DNAAF5: variants seen among roughly 807,000 people sequenced by gnomAD.
DNAAF5 encodes the protein dynein axonemal assembly factor 5.
Under a neutral mutation model 75.8 loss-of-function variants are expected in DNAAF5, and 64 were observed. The ratio of observed to expected loss-of-function variants is 0.84; its 90% confidence interval spans 0.69 to 1.04. DNAAF5 has a LOEUF of 1.04. Among genes scored for constraint, DNAAF5 ranks in the 50% least tolerant of loss-of-function variants. The pLI, the probability that DNAAF5 is intolerant of heterozygous loss-of-function variation, is 0.00. For synonymous variants in DNAAF5, 657 were observed against 557.2 expected, an observed-to-expected ratio of 1.18 and a Z score of -2.52; for missense variants, 1,269 against 1,178.5, an observed-to-expected ratio of 1.08 and a Z score of -1.12.
intron 4 of DNAAF5, among the ~76,000 whole-genome samples, chr7:753,791 T>A: frequency 6.9e-6 from 1 of 144,792 alleles, no homozygotes; most frequent in African/African-American, 2.6e-5. Context: ...TCTCATCATA[T>A]GGCGATGGCT....
intron 9 of DNAAF5, chr7:770,866 G>A: frequency 2.1e-6 from 1 of 470,070 alleles, no homozygotes; most frequent in Non-Finnish European, 3.9e-6. Context: ...ACAGCACTCT[G>A]GGTGAGGGTT....
intron 9 of DNAAF5, chr7:771,097 T>C (rs1778549722): frequency 1.3e-5 from 2 of 152,812 alleles, no homozygotes; most frequent in Admixed American, 6.5e-5. Flanking sequence ...CTGTTCTCTG[T>C]TTTAAAAGCC....
chr7:741,142 G>A (rs944816562), intron 3 of DNAAF5, among the ~76,000 whole-genome samples, 199 bp downstream of exon 3: 3 of 152,192 alleles, frequency 2.0e-5, no homozygotes, highest in African/African-American at 7.2e-5. Flanking sequence ...TGAGTATATC[G>A]ACAGAGATCA....
chr7:747,491 G>A (rs1484924712), intron 4 of DNAAF5, among the ~76,000 whole-genome samples: 2 of 151,774 alleles, frequency 1.3e-5, no homozygotes, highest in South Asian at 2.1e-4. Flanking sequence ...GGGGTTTGCT[G>A]TTTTTACCGT....
intron 4 of DNAAF5, among the ~76,000 whole-genome samples, chr7:749,670 G>C (rs1414349778): frequency 1.3e-5 from 2 of 152,208 alleles, no homozygotes; most frequent in African/African-American, 4.8e-5. Context: ...CCCACTCTGA[G>C]TTAGCCGGGG....
intron 12 of DNAAF5, among the ~76,000 whole-genome samples, chr7:782,347 C>T (rs986823444): frequency 3.3e-5 from 5 of 151,376 alleles, no homozygotes; most frequent in African/African-American, 1.2e-4. Flanking sequence ...CTCGGCTCTT[C>T]GCGGCGTGGC....
At chr7:736,510 G>A (rs1369344781) in intron 2 of DNAAF5, among the ~76,000 whole-genome samples, 1 of 152,180 alleles carries the variant, frequency 6.6e-6, no homozygotes, top group Non-Finnish European at 1.5e-5. Flanking sequence ...TTTGTCTTAA[G>A]TGTAGCTATT....
Position 780,031 on chromosome 7 carries a change from G to A in DNAAF5, c.2318G>A (p.Cys773Tyr). 1 of 1,614,224 alleles carries A rather than the reference G, an allele frequency of 6.2e-7. No homozygotes were observed. Among genetic ancestry groups the A allele is most frequent in the Non-Finnish European group, 8.5e-7 (1 of 1,180,022 alleles). The change falls in exon 12 of 13, where the codon TGT (cysteine) becomes TAT (tyrosine). Residue 773 changes from cysteine (C) to tyrosine (Y), a missense_variant. Physicochemically the swap from Cys to Tyr is radical, Grantham distance 194. Coordinates refer to ENST00000297440, the MANE Select transcript of DNAAF5 (RefSeq NM_017802.4). ...AASTLVTWLQCVKGANAKSYY... is the reference protein window; with the variant it reads ...AASTLVTWLQYVKGANAKSYY... ...TCCACCTTGGTCACCTGGCTGCAGT[G>A]TGTCAAGGGTGCCAACGCAAAATCC...
intron 12 of DNAAF5, among the ~76,000 whole-genome samples, chr7:782,090 C>T (rs202047136): frequency 1.1e-4 from 16 of 152,364 alleles, no homozygotes; most frequent in Non-Finnish European, 1.8e-4. Context: ...TGGCTACATC[C>T]GGTTATGCGA....
intron 9 of DNAAF5, chr7:771,806 T>A (rs937985967): frequency 6.6e-6 from 1 of 152,236 alleles, no homozygotes; most frequent in South Asian, 2.1e-4. Context: ...AACAGTTAAC[T>A]CTGCAGAGCA....
chr7:750,535 G>A (rs1782261248), intron 4 of DNAAF5, among the ~76,000 whole-genome samples: 1 of 152,136 alleles, frequency 6.6e-6, no homozygotes, highest in Non-Finnish European at 1.5e-5. Flanking sequence ...TTCTCATAAG[G>A]AGCACGTAAC....
intron 5 of DNAAF5, among the ~76,000 whole-genome samples, chr7:755,066 C>T (rs533830641): frequency 1.3e-5 from 2 of 152,330 alleles, no homozygotes; most frequent in African/African-American, 4.8e-5. Flanking sequence ...GGTGCAGTGC[C>T]AGGTGCATGT....
chr7:752,147 C>T (rs1357062731), intron 4 of DNAAF5, among the ~76,000 whole-genome samples: 1 of 152,226 alleles, frequency 6.6e-6, no homozygotes, highest in Non-Finnish European at 1.5e-5. Context: ...GATGAAGGCT[C>T]AAAGACCATT....
intron 4 of DNAAF5, among the ~76,000 whole-genome samples, chr7:748,852 C>T (rs966767435): frequency 2.6e-5 from 4 of 152,114 alleles, no homozygotes; most frequent in South Asian, 2.1e-4. Flanking sequence ...GTTGGGTTGC[C>T]GAGTGCGTGA....
intron 9 of DNAAF5, chr7:771,123 A>C (rs1201502945): frequency 6.6e-6 from 1 of 152,478 alleles, no homozygotes; most frequent in African/African-American, 2.4e-5. Flanking sequence ...GCACTTTTCA[A>C]ACCTAACAAA....
chr7:779,876 A>G, intron 11 of DNAAF5, 77 bp from the exon 12 acceptor site: 1 of 1,301,858 alleles, frequency 7.7e-7, no homozygotes, highest in Non-Finnish European at 1.1e-6. Context: ...GGGAGTATGA[A>G]CTAAATGCCT....
chr7:776,976 G>A (rs1778782185), intron 11 of DNAAF5, among the ~76,000 whole-genome samples: 1 of 152,194 alleles, frequency 6.6e-6, no homozygotes, highest in Admixed American at 6.5e-5. Context: ...AAATCCTATT[G>A]TGAACTGTGC....
intron 9 of DNAAF5, chr7:771,967 T>A (rs1778579249): frequency 6.6e-6 from 1 of 151,938 alleles, no homozygotes; most frequent in African/African-American, 2.4e-5. Context: ...TTTTTTTTTA[T>A]CCGTTTGGTT....
In DNAAF5 at chr7:731,780, A is replaced by G. The variant is rs567171415; in HGVS notation, c.780+1933A>G. 5.9e-5 allele frequency among the ~76,000 whole-genome samples: 9 copies of G among 152,040 alleles called. No individual in the cohort carries two copies. The South Asian group carries it at 1.0e-3, about 18-fold the overall frequency. ...TTCCAGCATGGCCCGTTTCTTCCCA[A>G]TGGGGTTTGCGTCCTATTAGAGACC... On this transcript the variant is annotated intron_variant, in intron 2 of 12. Transcript: ENST00000297440.
Sources: allele counts gnomAD v4.1 joint callset (sites outside exome capture counted in the v4.1 genomes callset), GRCh38; gene constraint gnomAD v4.1.1; transcripts MANE v1.5; gene names NCBI Gene and HGNC (gene_info 2026-07-23, HGNC 2026-07-21).